Variants in FAM110B observed in about 807,000 individuals in gnomAD.
The protein encoded by FAM110B is family with sequence similarity 110 member B.
FAM110B carries 6 observed loss-of-function variants against 20.4 expected under a neutral mutation model. That is an observed-to-expected ratio of 0.29 (90% CI 0.16 to 0.58). The LOEUF is 0.58. FAM110B is among the 20% of genes least tolerant of loss of function. The pLI, the probability that FAM110B is intolerant of heterozygous loss-of-function variation, is 0.90. For synonymous variants in FAM110B, 226 were observed against 214.1 expected, an observed-to-expected ratio of 1.06 and a Z score of -0.49; for missense variants, 434 against 498.2, an observed-to-expected ratio of 0.87 and a Z score of 1.23.
chr8:58,008,799 A>C (rs1179112416), intron 1 of FAM110B, among the ~76,000 whole-genome samples: 4 of 152,190 alleles, frequency 2.6e-5, no homozygotes, highest in Admixed American at 6.5e-5. Flanking sequence ...TCCACACTGC[A>C]GGTGGAAGAC....
intron 1 of FAM110B, among the ~76,000 whole-genome samples, chr8:58,015,689 T>TA (rs1326199763): frequency 2.0e-5 from 3 of 151,204 alleles, no homozygotes; most frequent in Non-Finnish European, 3.0e-5. Context: ...CTACTAAAAA[T>TA]AAAAAATTAG....
chr8:58,066,431 G>A (rs971080506), intron 2 of FAM110B, among the ~76,000 whole-genome samples: 12 of 152,184 alleles, frequency 7.9e-5, no homozygotes, highest in African/African-American at 2.7e-4. Context: ...GCTGGGGCCA[G>A]GGCTGCTGCC....
At chr8:58,101,863 T>G (rs1419319824) in intron 3 of FAM110B, among the ~76,000 whole-genome samples, 1 of 152,152 alleles carries the variant, frequency 6.6e-6, no homozygotes, top group African/African-American at 2.4e-5. Context: ...CATGAGGCAG[T>G]GATAACTGTC....
chr8:58,103,352 G>C (rs1242835383), intron 3 of FAM110B, among the ~76,000 whole-genome samples: 1 of 135,172 alleles, frequency 7.4e-6, no homozygotes, highest in African/African-American at 2.9e-5. Flanking sequence ...TCCCCAGAGT[G>C]TGATGTTCCC....
intron 1 of FAM110B, among the ~76,000 whole-genome samples, chr8:58,028,173 G>A (rs948632061): frequency 3.9e-5 from 6 of 152,080 alleles, no homozygotes; most frequent in East Asian, 1.9e-4. Flanking sequence ...CTGCGGTCTC[G>A]GCTCACTGCA....
chr8:58,041,213 T>C (rs1294646524), intron 2 of FAM110B, among the ~76,000 whole-genome samples: 1 of 152,152 alleles, frequency 6.6e-6, no homozygotes, highest in Non-Finnish European at 1.5e-5. Context: ...GTGCTGGGAT[T>C]ACAGGCATGA....
chr8:58,012,576 C>T (rs1291520410), intron 1 of FAM110B, among the ~76,000 whole-genome samples: 7 of 152,104 alleles, frequency 4.6e-5, no homozygotes, highest in Non-Finnish European at 8.8e-5. Context: ...AGTAGAAAAC[C>T]TCCAAGGGGA....
chr8:58,143,813 G>C (rs1451883227), intron 3 of FAM110B, among the ~76,000 whole-genome samples: 2 of 152,174 alleles, frequency 1.3e-5, no homozygotes, highest in East Asian at 1.9e-4. Flanking sequence ...AGAACTAGAA[G>C]AGAAGATGGT....
chr8:58,071,265 C>T (rs1271632793), intron 2 of FAM110B, among the ~76,000 whole-genome samples: 1 of 152,142 alleles, frequency 6.6e-6, no homozygotes, highest in Non-Finnish European at 1.5e-5. Flanking sequence ...CTCAGCGTCC[C>T]TTCTCCATAG....
chr8:58,145,098 A>C (rs1342789917), intron 3 of FAM110B, among the ~76,000 whole-genome samples: 2 of 152,138 alleles, frequency 1.3e-5, no homozygotes, highest in Non-Finnish European at 2.9e-5. Context: ...GAAACTTTTG[A>C]TTTCTGCTCA....
At chr8:58,074,359 C>G (rs1458225878) in intron 2 of FAM110B, among the ~76,000 whole-genome samples, 3 of 152,132 alleles carry the variant, frequency 2.0e-5, no homozygotes, top group African/African-American at 7.2e-5. Context: ...CACCAATCCC[C>G]CACACTCACA....
At chr8:58,029,862 C>T (rs1804931814) in intron 1 of FAM110B, among the ~76,000 whole-genome samples, 1 of 152,148 alleles carries the variant, frequency 6.6e-6, no homozygotes, top group Admixed American at 6.5e-5. Context: ...TGAAGTTCTC[C>T]ATATGTGGTA....
rs1308713699 is a variant in FAM110B at position 58,020,150 on chromosome 8, C to T, written c.-511-11456C>T. On this transcript the variant is annotated intron_variant, in intron 1 of 3. Transcript: ENST00000519262. ...TTGTATTTTATTTAGTGCTATTTTA[C>T]GGTTTTTATTTCTGTCTGAAAATGT... Among the ~76,000 whole-genome samples the T allele has an allele frequency of 3.9e-5, 6 of 151,926 alleles. No homozygotes were observed. The East Asian group carries it at 5.8e-4, about 15-fold the overall frequency.
At chr8:58,077,736 CAGTG>C (rs1323975134) in intron 3 of FAM110B, among the ~76,000 whole-genome samples, 1 of 152,176 alleles carries the variant, frequency 6.6e-6, no homozygotes, top group Non-Finnish European at 1.5e-5. Context: ...CCAGAGAAGA[CAGTG>C]AGTTACCTTC....
In FAM110B at chr8:58,045,845, T is replaced by C. The variant is rs1805310200; in HGVS notation, c.-414+14142T>C. ...ACAAAATATCTCAGGCTGAGTAATA[T>C]ATAAACAACAGAAATTGATTGCTCA... On this transcript the variant is annotated intron_variant, in intron 2 of 3. Coordinates refer to ENST00000519262, the MANE Select transcript of FAM110B (RefSeq NM_001377989.1). 2.0e-5 allele frequency among the ~76,000 whole-genome samples: 3 copies of C among 152,200 alleles called. No individual in the cohort carries two copies. In the South Asian group the frequency reaches 6.2e-4, roughly 31 times the overall value.
intron 2 of FAM110B, among the ~76,000 whole-genome samples, chr8:58,051,852 G>A (rs1585843979): frequency 6.6e-6 from 1 of 152,118 alleles, no homozygotes; most frequent in Non-Finnish European, 1.5e-5. Flanking sequence ...CATATTTATG[G>A]CATTTGGCCT....
intron 1 of FAM110B, among the ~76,000 whole-genome samples, chr8:58,004,131 A>G (rs1234992926): frequency 2.0e-5 from 3 of 152,208 alleles, no homozygotes; most frequent in Non-Finnish European, 4.4e-5. Flanking sequence ...GATCCCTTGC[A>G]TGCACAGTTC....
chr8:58,078,740 C>T lies in FAM110B; in HGVS notation c.-325+3117C>T, dbSNP rs1210853337. On this transcript the variant is annotated intron_variant, in intron 3 of 3. Transcript: ENST00000519262. ...TAATTTTTTGTATTTTTAGTAGAGACGGGGTTTCACCATGTTAGCCAGGAT... is the reference window on the plus strand; with the variant it reads ...TAATTTTTTGTATTTTTAGTAGAGATGGGGTTTCACCATGTTAGCCAGGAT... Among the ~76,000 whole-genome samples the T allele has an allele frequency of 3.3e-5, 5 of 151,404 alleles. No individual in the cohort carries two copies. In the East Asian group the frequency reaches 7.8e-4, roughly 24 times the overall value.
intron 2 of FAM110B, among the ~76,000 whole-genome samples, chr8:58,060,439 CCAAA>C (rs1805632101): frequency 6.6e-6 from 1 of 151,918 alleles, no homozygotes; most frequent in Non-Finnish European, 1.5e-5. Context: ...ACAGAGTGGC[CCAAA>C]ACTAATAAAT....
Sources: allele counts gnomAD v4.1 joint callset (sites outside exome capture counted in the v4.1 genomes callset), GRCh38; gene constraint gnomAD v4.1.1; transcripts MANE v1.5; gene names NCBI Gene and HGNC (gene_info 2026-07-23, HGNC 2026-07-21).